The following CYP4F11 variants were observed in gnomAD, a reference collection of about 807,000 sequenced individuals.
The protein encoded by CYP4F11 is cytochrome P450 family 4 subfamily F member 11.
A neutral mutation model predicts 62.2 loss-of-function variants in CYP4F11; 79 were observed. That is an observed-to-expected ratio of 1.27 (90% CI 1.06 to 1.53). The LOEUF (loss-of-function observed/expected upper bound fraction) is 1.53, where lower values mean the gene tolerates loss of function less well. CYP4F11 is among the 40% of genes most tolerant of loss of function. The pLI, the probability that CYP4F11 is intolerant of heterozygous loss-of-function variation, is 0.00. For missense variants in CYP4F11, 777 were observed against 680.5 expected (o/e 1.14, Z -1.58); for synonymous variants, 290 against 263.7 (o/e 1.10, Z -0.97).
At chr19:15,921,442 G>C (rs1344644635) in intron 8 of CYP4F11, among the ~76,000 whole-genome samples, 1 of 152,194 alleles carries the variant, frequency 6.6e-6, no homozygotes, top group Non-Finnish European at 1.5e-5. Flanking sequence ...TGGGCTGGGA[G>C]TTTCCTGTCC....
Position 15,913,553 on chromosome 19 carries a change from G to C in CYP4F11, c.*179C>G. On this transcript the variant is annotated 3_prime_UTR_variant, in exon 12 of 12. Coordinates refer to ENST00000402119, the MANE Select transcript of CYP4F11 (RefSeq NM_021187.4). Reference sequence around the variant, plus strand: ...GGCCTAGATGCCCTGTGCTCAGCCAGAGAGGCCGTCAGGGTTTTGGGTTCA... The same window carrying C: ...GGCCTAGATGCCCTGTGCTCAGCCACAGAGGCCGTCAGGGTTTTGGGTTCA... 2 of 739,320 alleles carry C rather than the reference G, an allele frequency of 2.7e-6. No homozygotes were observed. Among genetic ancestry groups the C allele is most frequent in the South Asian group, 3.6e-5 (2 of 55,570 alleles). 45.8% of individuals were successfully genotyped at this position (739,320 alleles called of 1,614,324 possible).
chr19:15,914,197 G>C, intron 11 of CYP4F11, 108 bp downstream of exon 11: 1 of 1,385,590 alleles, frequency 7.2e-7, no homozygotes, highest in African/African-American at 1.4e-5. Context: ...ATGAACTCCT[G>C]AGGAAGGGAG....
intron 2 of CYP4F11, among the ~76,000 whole-genome samples, chr19:15,928,943 A>G (rs2089689739): frequency 6.6e-6 from 1 of 152,216 alleles, no homozygotes; most frequent in Non-Finnish European, 1.5e-5. Context: ...AGGCTTAGGG[A>G]CAGACAAGGC....
rs755378874 is a variant in CYP4F11, at chr19:15,914,294, G to T, written c.1397+11C>A. The T allele has an allele frequency of 1.2e-6, 2 of 1,613,392 alleles. No homozygotes were observed. Among genetic ancestry groups the T allele is most frequent in the South Asian group, 1.1e-5 (1 of 91,050 alleles). On this transcript the variant is annotated intron_variant, in intron 11 of 11. Coordinates refer to ENST00000402119, the MANE Select transcript of CYP4F11 (RefSeq NM_021187.4). Reference sequence around the variant, plus strand: ...CATGCCATCTCTGCCTCAGACACAGGCCATCCTTACCTGGGCCCTGCCGAG... The same window carrying T: ...CATGCCATCTCTGCCTCAGACACAGTCCATCCTTACCTGGGCCCTGCCGAG...
intron 11 of CYP4F11, 147 bp downstream of exon 11, chr19:15,914,158 T>G: frequency 1.7e-6 from 2 of 1,169,882 alleles, no homozygotes; most frequent in Non-Finnish European, 2.5e-6. Context: ...TCTAGGACCT[T>G]CCCAAACCCA....
chr19:15,927,631 G>A (rs2089680781), intron 2 of CYP4F11, 148 bp from the exon 3 acceptor site: 1 of 1,046,244 alleles, frequency 9.6e-7, no homozygotes, highest in Non-Finnish European at 1.4e-6. Context: ...GAAGAAGGGA[G>A]GATGGTGGAG....
rs866770664 is a variant in CYP4F11, at chr19:15,931,712, A to G, written c.199-2111T>C. ...GAGGAATGAGTGAGCGAGGAGAGGA[A>G]TGAGTGAGCGAGGAGAGGAATGAGT... On this transcript the variant is annotated intron_variant, in intron 1 of 11. Transcript: ENST00000402119. Among the ~76,000 whole-genome samples, 34 of 66,316 alleles carry G rather than the reference A, an allele frequency of 5.1e-4. 1 individual carries two copies. The highest frequency in any genetic ancestry group is 9.0e-4 in the Non-Finnish European group (32 of 35,412). 43.5% of individuals were successfully genotyped at this position (66,316 alleles called of 152,430 possible).
At position 15,930,388 on chromosome 19, in the gene CYP4F11, C is replaced by T. The variant is rs148647637; in HGVS notation, c.199-787G>A. On this transcript the variant is annotated intron_variant, in intron 1 of 11. Coordinates refer to ENST00000402119, the MANE Select transcript of CYP4F11 (RefSeq NM_021187.4). ...GGTGGATCACCTGAGGTCAGGTGTT[C>T]GGGACCAGCCTGACCAACACAGCGA... 7.0e-3 allele frequency among the ~76,000 whole-genome samples: 1,061 copies of T among 152,094 alleles called. 13 individuals are homozygous for T. The highest frequency in any genetic ancestry group is 0.022 in the African/African-American group (918 of 41,480).
intron 1 of CYP4F11, among the ~76,000 whole-genome samples, chr19:15,931,689 G>A (rs201654871): frequency 2.0e-4 from 13 of 63,902 alleles, no homozygotes; most frequent in East Asian, 1.1e-3. Flanking sequence ...AGCGAGGAGA[G>A]GAATGAGTGA....
chr19:15,914,826 G>T lies in CYP4F11; in HGVS notation c.1185C>A (p.Val395=). ...IKESLRLHPP[V]PVISRCCTQD... is the part of the protein sequence containing the mutation. ...GCGTGCAACATCGGGAGATGACCGG[G>T]ACTGGGGGATGCAACCGCAGGCTCT... Residue 395 remains valine (V), a synonymous_variant, in exon 9 of 12, where the codon GTC becomes GTA. Transcript: ENST00000402119. The T allele has an allele frequency of 6.2e-7, 1 of 1,614,138 alleles. No homozygotes were observed. The highest frequency in any genetic ancestry group is 1.3e-5 in the African/African-American group (1 of 75,018).
Position 15,934,527 on chromosome 19 carries a change from T to C in CYP4F11, c.-119A>G, listed in dbSNP as rs1252621869. On this transcript the variant is annotated 5_prime_UTR_variant, in exon 1 of 12. Coordinates refer to ENST00000402119, the MANE Select transcript of CYP4F11 (RefSeq NM_021187.4). ...GTGCTGGAGGCAGATCAGGGAAGGC[T>C]CTGAGATGGGTAAACAAGAGCTGAG... The C allele has an allele frequency of 2.5e-6, 3 of 1,218,298 alleles. No individual in the cohort carries two copies. Among genetic ancestry groups the C allele is most frequent in the Non-Finnish European group, 3.4e-6 (3 of 893,498 alleles). 75.5% of individuals were successfully genotyped at this position (1,218,298 alleles called of 1,614,324 possible).
rs1047216293 is a variant in CYP4F11 at position 15,931,419 on chromosome 19, A to G, written c.199-1818T>C. On this transcript the variant is annotated intron_variant, in intron 1 of 11. Transcript: ENST00000402119. ...CTCTGTGCACCCATACCACTCCCAC[A>G]GGAGACCCTCAGAGGTGCAGTAACA... 1.2e-4 allele frequency among the ~76,000 whole-genome samples: 19 copies of G among 152,016 alleles called. No homozygotes were observed. The East Asian group carries it at 3.7e-3, about 29-fold the overall frequency.
intron 8 of CYP4F11, among the ~76,000 whole-genome samples, chr19:15,917,467 G>A (rs139545676): frequency 3.8e-4 from 58 of 152,164 alleles, no homozygotes; most frequent in African/African-American, 1.3e-3. Flanking sequence ...AACAAATGTA[G>A]CATGGCAAAG....
chr19:15,915,812 A>C (rs116989738), intron 8 of CYP4F11, among the ~76,000 whole-genome samples: 2,329 of 152,160 alleles, frequency 0.015, 38 homozygotes, highest in Non-Finnish European at 0.023. Context: ...TACTTGAGTA[A>C]TCTAAACATT....
chr19:15,914,180 G>A, intron 11 of CYP4F11, 125 bp downstream of exon 11: 1 of 1,267,458 alleles, frequency 7.9e-7, no homozygotes, highest in Non-Finnish European at 1.1e-6. Context: ...TCTGTGAACA[G>A]TTGCCCATGA....
chr19:15,928,192 G>A (rs1365751187), intron 2 of CYP4F11: 1 of 152,146 alleles, frequency 6.6e-6, no homozygotes, highest in Non-Finnish European at 1.5e-5. Context: ...AGAATAAAAA[G>A]ACAATCTCAC....
rs775420405 is a variant in CYP4F11, at chr19:15,914,326, A to G, written c.1376T>C (p.Ile459Thr). Reference sequence around the variant, plus strand: ...TTACCTGGGCCCTGCCGAGAAGGGAATAAAAGCCAGAGGTGACCTCTCCTT... The same window carrying G: ...TTACCTGGGCCCTGCCGAGAAGGGAGTAAAAGCCAGAGGTGACCTCTCCTT... Reference protein sequence around the residue: ...NIKERSPLAFIPFSAGPRNCI... With the variant: ...NIKERSPLAFTPFSAGPRNCI... Residue 459 changes from isoleucine (I) to threonine (T), a missense_variant, in exon 11 of 12, where the codon ATT becomes ACT. Physicochemically the swap from Ile to Thr is moderately conservative, Grantham distance 89. Transcript: ENST00000402119. 8.7e-6 allele frequency: 14 copies of G among 1,613,890 alleles called. No individual in the cohort carries two copies. The East Asian group carries it at 3.1e-4, about 36-fold the overall frequency.
intron 1 of CYP4F11, 59 bp downstream of exon 1, chr19:15,934,152 T>C: frequency 3.2e-6 from 5 of 1,582,226 alleles, no homozygotes; most frequent in Middle Eastern, 1.7e-4. Context: ...GCCCCATTCC[T>C]GCCCCTCAGG....
At position 15,917,594 on chromosome 19, in the gene CYP4F11, G is replaced by A. The variant is rs965284316; in HGVS notation, c.1116-2699C>T. On this transcript the variant is annotated intron_variant, in intron 8 of 11. Transcript: ENST00000402119. ...CCCCACAAAACCCTGGGAAATGGAT[G>A]GATAGTACAGCTACAAAAGAAAATG... is the stretch of plus-strand genomic sequence containing the variant. Among the ~76,000 whole-genome samples the A allele has an allele frequency of 7.9e-5, 12 of 152,034 alleles. 1 individual carries two copies. Among genetic ancestry groups the A allele is most frequent in the East Asian group, 7.7e-4 (4 of 5,178 alleles).
Sources: gnomAD v4.1 joint callset for allele counts (sites outside exome capture counted in the v4.1 genomes callset) on GRCh38, gnomAD v4.1.1 for gene constraint, MANE v1.5 for transcripts, NCBI Gene and HGNC (gene_info 2026-07-23, HGNC 2026-07-21) for gene names.